Variants in MTHFD1L observed in about 807,000 individuals in gnomAD.
MTHFD1L encodes the protein methylenetetrahydrofolate dehydrogenase (NADP+ dependent) 1 like.
Under a neutral mutation model 119.5 loss-of-function variants are expected in MTHFD1L, and 81 were observed. That is an observed-to-expected ratio of 0.68 (90% CI 0.57 to 0.82). The LOEUF (loss-of-function observed/expected upper bound fraction) is 0.82, where lower values mean the gene tolerates loss of function less well. Among genes scored for constraint, MTHFD1L ranks in the 40% least tolerant of loss-of-function variants. The pLI is 0.00. For missense variants in MTHFD1L, 1,125 were observed against 1,253.4 expected, an observed-to-expected ratio of 0.90 and a Z score of 1.55; for synonymous variants, 430 against 475.2, an observed-to-expected ratio of 0.90 and a Z score of 1.24.
intron 26 of MTHFD1L, among the ~76,000 whole-genome samples, chr6:151,045,274 A>C (rs1787821353): frequency 6.6e-6 from 1 of 151,942 alleles, no homozygotes; most frequent in African/African-American, 2.4e-5. Flanking sequence ...GCACTTGGAG[A>C]TGTGTAAGCA....
At position 150,926,375 on chromosome 6, in the gene MTHFD1L, C is replaced by A; in HGVS notation, c.1256+80C>A. The stretch of plus-strand genomic sequence containing the variant: ...CCCTATTTATCTCTCTCCTCGTACC[C>A]CTCAATCCATCCTATTCTCACATTT... On this transcript the variant is annotated intron_variant, in intron 11 of 27. Transcript: ENST00000367321. The surrounding 1 kb of genome is among the most constrained non-coding windows in gnomAD (Gnocchi z 4.3). The A allele has an allele frequency of 8.1e-7, 1 of 1,238,834 alleles. No individual in the cohort carries two copies. Among genetic ancestry groups the A allele is most frequent in the African/African-American group, 1.5e-5 (1 of 66,530 alleles). 76.7% of individuals were successfully genotyped at this position (1,238,834 alleles called of 1,614,324 possible).
In MTHFD1L at chr6:150,911,522, A is replaced by G. The variant is rs563893917; in HGVS notation, c.892+5761A>G. ...ATTGTCTCACACTTCCACGGACTGT[A>G]CAGGTAGTATGATGCTGGCATTTGC... On this transcript the variant is annotated intron_variant, in intron 8 of 27. Coordinates refer to ENST00000367321, the MANE Select transcript of MTHFD1L (RefSeq NM_015440.5). 2.6e-5 allele frequency among the ~76,000 whole-genome samples: 4 copies of G among 152,314 alleles called. No individual in the cohort carries two copies. The East Asian group carries it at 7.7e-4, about 29-fold the overall frequency.
At chr6:150,944,644 T>G in intron 14 of MTHFD1L, 51 bp downstream of exon 14, 1 of 1,318,714 alleles carries the variant, frequency 7.6e-7, no homozygotes, top group Non-Finnish European at 1.1e-6. Context: ...CTGGAATTCC[T>G]GGATTCTTAA....
intron 26 of MTHFD1L, among the ~76,000 whole-genome samples, chr6:151,079,625 G>A (rs1274083287): frequency 1.3e-5 from 2 of 151,804 alleles, no homozygotes; most frequent in Non-Finnish European, 2.9e-5. Context: ...AAGTAGCTAG[G>A]ATTACAGGCA....
At chr6:150,921,615 T>C (rs1788954317) in intron 9 of MTHFD1L, among the ~76,000 whole-genome samples, 4 of 152,004 alleles carry the variant, frequency 2.6e-5, no homozygotes, top group Admixed American at 1.3e-4. Context: ...TGGTGTGATC[T>C]TGACTCACTG....
intron 26 of MTHFD1L, among the ~76,000 whole-genome samples, chr6:151,047,582 A>T (rs1192956899): frequency 6.6e-6 from 1 of 152,162 alleles, no homozygotes; most frequent in Non-Finnish European, 1.5e-5. Flanking sequence ...AGGTACCGTG[A>T]TCTGTTAAGG....
intron 20 of MTHFD1L, among the ~76,000 whole-genome samples, chr6:151,004,615 G>C (rs1357779724): frequency 1.3e-5 from 2 of 152,158 alleles, no homozygotes; most frequent in African/African-American, 4.8e-5. Context: ...CTCTCCATCT[G>C]AACCCAGAGC....
intron 26 of MTHFD1L, among the ~76,000 whole-genome samples, chr6:151,072,653 G>C (rs923274641): frequency 6.6e-6 from 1 of 152,080 alleles, no homozygotes; most frequent in Non-Finnish European, 1.5e-5. Flanking sequence ...GCCAGGCATG[G>C]TGGCGCACAT....
intron 21 of MTHFD1L, among the ~76,000 whole-genome samples, chr6:151,010,804 G>A (rs1030015721): frequency 2.6e-5 from 4 of 152,120 alleles, no homozygotes; most frequent in African/African-American, 9.7e-5. Context: ...ATTCACATAT[G>A]AGACGAACTG....
intron 20 of MTHFD1L, among the ~76,000 whole-genome samples, chr6:150,978,485 A>G (rs932055130): frequency 1.3e-5 from 2 of 152,294 alleles, no homozygotes; most frequent in Non-Finnish European, 2.9e-5. Flanking sequence ...ATAAACACTC[A>G]TGCAGCAGAG....
Position 151,009,921 on chromosome 6 carries a change from C to T in MTHFD1L, c.2228C>T (p.Thr743Met), listed in dbSNP as rs1562532344. The T allele has an allele frequency of 2.5e-6, 4 of 1,613,248 alleles. No homozygotes were observed. The highest frequency in any genetic ancestry group is 1.1e-5 in the South Asian group (1 of 90,902). ...CCCAACGTGGTTGTGTTAGTGGCAA[C>T]GGTGCGAGCTCTGAAGATGCATGGA... ...LVPNVVVLVATVRALKMHGGG... is the reference protein window; with the variant it reads ...LVPNVVVLVAMVRALKMHGGG... Residue 743 changes from threonine (T) to methionine (M), a missense_variant, in exon 21 of 28, where the codon ACG becomes ATG. Thr to Met is a moderately conservative substitution (Grantham distance 81). Transcript: ENST00000367321.
chr6:150,958,237 T>G (rs76027163), intron 17 of MTHFD1L, among the ~76,000 whole-genome samples: 3,320 of 152,234 alleles, frequency 0.022, 123 homozygotes, highest in African/African-American at 0.074. Flanking sequence ...AGTGAAGACA[T>G]CTTTTTATGT....
intron 26 of MTHFD1L, among the ~76,000 whole-genome samples, chr6:151,072,062 C>T (rs1049270203): frequency 3.3e-5 from 5 of 152,042 alleles, no homozygotes; most frequent in African/African-American, 9.7e-5. Flanking sequence ...AGGCTAGTCT[C>T]GAACTCCTGA....
Position 150,888,021 on chromosome 6 carries a change from G to C in MTHFD1L, c.780+40G>C, listed in dbSNP as rs1343410093. 1.9e-6 allele frequency: 3 copies of C among 1,552,688 alleles called. No individual in the cohort carries two copies. In the East Asian group the frequency reaches 6.9e-5, roughly 36 times the overall value. On this transcript the variant is annotated intron_variant, in intron 7 of 27. Coordinates refer to ENST00000367321, the MANE Select transcript of MTHFD1L (RefSeq NM_015440.5). ...AGAAACATACATCTTGAAGGCTTCTGTTAGAACAGAAGAAAGTCTAGAAAT... is the reference window on the plus strand; with the variant it reads ...AGAAACATACATCTTGAAGGCTTCTCTTAGAACAGAAGAAAGTCTAGAAAT...
chr6:151,099,239 A>G (rs1205280298), intron 27 of MTHFD1L, among the ~76,000 whole-genome samples: 1 of 151,672 alleles, frequency 6.6e-6, no homozygotes, highest in Non-Finnish European at 1.5e-5. Context: ...CACAGGATAC[A>G]AATGTAATGT....
chr6:151,014,981 G>GT lies in MTHFD1L; in HGVS notation c.2408+2dup. ...TTGTGGTGGCTCTGAATGTCTTCAA[G>GT]TAAGTCCAGCCTCCTCCTTTAAATG... On this transcript the variant is annotated splice_donor_variant, in intron 23 of 27. Coordinates refer to ENST00000367321, the MANE Select transcript of MTHFD1L (RefSeq NM_015440.5). LOFTEE classifies it high-confidence loss of function. 6.2e-7 allele frequency: 1 copy of GT among 1,613,472 alleles called. No homozygotes were observed. Among genetic ancestry groups the GT allele is most frequent in the South Asian group, 1.1e-5 (1 of 91,002 alleles).
chr6:151,071,703 C>CT (rs975686729), intron 26 of MTHFD1L, among the ~76,000 whole-genome samples: 13 of 152,084 alleles, frequency 8.5e-5, no homozygotes, highest in Admixed American at 7.2e-4. Context: ...AAAGAATCCT[C>CT]TTTTTTTATT....
At chr6:151,072,092 G>A (rs533204932) in intron 26 of MTHFD1L, among the ~76,000 whole-genome samples, 84 of 152,114 alleles carry the variant, frequency 5.5e-4, no homozygotes, top group African/African-American at 1.8e-3. Context: ...GCCTCCCAAA[G>A]TGCTGAGAGT....
chr6:151,093,967 G>A (rs150803964), intron 27 of MTHFD1L, among the ~76,000 whole-genome samples: 102 of 152,210 alleles, frequency 6.7e-4, no homozygotes, highest in African/African-American at 2.3e-3. Context: ...TCATGTCCAC[G>A]CCACAGCACT....
Sources: allele counts gnomAD v4.1 joint callset (sites outside exome capture counted in the v4.1 genomes callset), GRCh38; gene constraint gnomAD v4.1.1; non-coding constraint Gnocchi (gnomAD v3.1); transcripts MANE v1.5; gene names NCBI Gene and HGNC (gene_info 2026-07-23, HGNC 2026-07-21).